FOXJ3: variants seen among roughly 807,000 people sequenced by gnomAD.
FOXJ3 encodes the protein forkhead box J3.
FOXJ3 carries 22 observed loss-of-function variants against 76.1 expected under a neutral mutation model. The ratio of observed to expected loss-of-function variants is 0.29; its 90% confidence interval spans 0.21 to 0.41. The LOEUF (loss-of-function observed/expected upper bound fraction) is 0.41. FOXJ3 is among the 10% of genes least tolerant of loss of function. The probability of loss-of-function intolerance (pLI) is 1.00; values close to 1 mark genes in which losing one functional copy is unlikely to be tolerated. For missense variants in FOXJ3, 613 were observed against 762.1 expected (o/e 0.80, Z 2.30); for synonymous variants, 269 against 261.2 (o/e 1.03, Z -0.29).
intron 4 of FOXJ3, among the ~76,000 whole-genome samples, chr1:42,229,014 C>T (rs1165762263): frequency 6.6e-6 from 1 of 152,122 alleles, no homozygotes; most frequent in East Asian, 1.9e-4. Context: ...CACTTTATGC[C>T]CAACACGAAT....
At chr1:42,260,683 G>GA (rs940575739) in intron 4 of FOXJ3, among the ~76,000 whole-genome samples, 25 of 150,838 alleles carry the variant, frequency 1.7e-4, no homozygotes, top group Admixed American at 8.6e-4. Flanking sequence ...AATTTTTAAA[G>GA]AAAAAAAAAT....
intron 1 of FOXJ3, among the ~76,000 whole-genome samples, chr1:42,329,399 G>A (rs1656025034): frequency 6.6e-6 from 1 of 152,182 alleles, no homozygotes; most frequent in African/African-American, 2.4e-5. Flanking sequence ...CTAAAATCAT[G>A]TTATGCCAAT....
chr1:42,227,889 T>C lies in FOXJ3; in HGVS notation c.522A>G (p.Val174=). The change falls in exon 5 of 13, where the codon GTA becomes GTG. Residue 174 remains valine (V), a synonymous_variant. Coordinates refer to ENST00000361346, the MANE Select transcript of FOXJ3 (RefSeq NM_014947.5). The part of the protein sequence containing the change: ...PTRPKKRARS[V]ERASTPYSID... ...TATGATAAAGAGCCTTTACCCGTTC[T>C]ACAGATCGTGCCCTCTTCTTTGGCC... 6.4e-7 allele frequency: 1 copy of C among 1,560,404 alleles called. No individual in the cohort carries two copies. The highest frequency in any genetic ancestry group is 8.8e-7 in the Non-Finnish European group (1 of 1,141,292).
intron 2 of FOXJ3, among the ~76,000 whole-genome samples, chr1:42,310,149 GT>G (rs201552474): frequency 1.4e-3 from 193 of 140,228 alleles, no homozygotes; most frequent in East Asian, 9.1e-3. Context: ...GCAGGTTTAG[GT>G]TTTTTTTTTT....
chr1:42,251,613 A>T (rs947000796), intron 4 of FOXJ3, among the ~76,000 whole-genome samples: 1 of 151,408 alleles, frequency 6.6e-6, no homozygotes, highest in African/African-American at 2.4e-5. Flanking sequence ...TATTGATTTG[A>T]ATATATTGAA....
intron 4 of FOXJ3, among the ~76,000 whole-genome samples, chr1:42,234,028 C>A (rs934748525): frequency 1.3e-5 from 2 of 152,172 alleles, no homozygotes; most frequent in Non-Finnish European, 2.9e-5. Flanking sequence ...TTGTCACAGG[C>A]CTTTTCTGCA....
intron 2 of FOXJ3, among the ~76,000 whole-genome samples, chr1:42,303,964 G>A (rs1045243830): frequency 5.3e-5 from 8 of 152,160 alleles, no homozygotes; most frequent in Non-Finnish European, 8.8e-5. Context: ...ACACAAATTA[G>A]AAAGGAAGAG....
chr1:42,259,799 C>G (rs922751396), intron 4 of FOXJ3, among the ~76,000 whole-genome samples: 8 of 152,132 alleles, frequency 5.3e-5, no homozygotes, highest in African/African-American at 1.9e-4. Context: ...CTGATTCTAC[C>G]CAGCTTTGCT....
At chr1:42,217,506 C>T (rs1647095102) in intron 5 of FOXJ3, among the ~76,000 whole-genome samples, 1 of 151,070 alleles carries the variant, frequency 6.6e-6, no homozygotes. Flanking sequence ...TCCAGCCTGG[C>T]GACAGGGCAA....
intron 5 of FOXJ3, among the ~76,000 whole-genome samples, chr1:42,208,835 A>G (rs1646910405): frequency 6.6e-6 from 1 of 152,230 alleles, no homozygotes; most frequent in Non-Finnish European, 1.5e-5. Flanking sequence ...GCTCAGCCTA[A>G]CCTACCTTAA....
At chr1:42,287,457 G>A (rs1653133538) in intron 2 of FOXJ3, among the ~76,000 whole-genome samples, 1 of 152,140 alleles carries the variant, frequency 6.6e-6, no homozygotes, top group African/African-American at 2.4e-5. Context: ...CATAATGACT[G>A]TAACATATTC....
At chr1:42,308,589 G>A (rs894818657) in intron 2 of FOXJ3, among the ~76,000 whole-genome samples, 4 of 152,076 alleles carry the variant, frequency 2.6e-5, no homozygotes, top group Admixed American at 6.6e-5. Flanking sequence ...TCCGAATGCC[G>A]TAGGGCTTCT....
intron 1 of FOXJ3, among the ~76,000 whole-genome samples, chr1:42,317,969 T>G (rs1158617746): frequency 1.3e-5 from 2 of 152,226 alleles, no homozygotes; most frequent in African/African-American, 4.8e-5. Flanking sequence ...CATGTTTCAT[T>G]CTCTGTTATA....
intron 1 of FOXJ3, among the ~76,000 whole-genome samples, chr1:42,332,042 C>T (rs1656196311): frequency 6.6e-6 from 1 of 152,152 alleles, no homozygotes; most frequent in Non-Finnish European, 1.5e-5. Context: ...ATCTCTTCTG[C>T]TTTAATTCAA....
chr1:42,317,690 T>C (rs1421494513), intron 1 of FOXJ3, among the ~76,000 whole-genome samples: 1 of 151,900 alleles, frequency 6.6e-6, no homozygotes, highest in Non-Finnish European at 1.5e-5. Context: ...TGTGGAATAG[T>C]GAAGGCAAAA....
chr1:42,287,965 C>CA (rs535284877), intron 2 of FOXJ3, among the ~76,000 whole-genome samples: 27 of 151,800 alleles, frequency 1.8e-4, no homozygotes, highest in African/African-American at 6.0e-4. Flanking sequence ...GACCCTGTCA[C>CA]AAAAAAATAA....
chr1:42,254,332 T>G, intron 4 of FOXJ3, among the ~76,000 whole-genome samples: 1 of 146,436 alleles, frequency 6.8e-6, no homozygotes, highest in South Asian at 2.3e-4. Flanking sequence ...CTGGAGAGGA[T>G]GTGGAGAAAT....
chr1:42,198,384 G>C (rs927672949), intron 7 of FOXJ3, among the ~76,000 whole-genome samples: 1 of 151,746 alleles, frequency 6.6e-6, no homozygotes, highest in Non-Finnish European at 1.5e-5. Flanking sequence ...TCTTTGTCCC[G>C]TGTAAGTTTT....
At chr1:42,184,238 T>C (rs1646388122) in intron 11 of FOXJ3, among the ~76,000 whole-genome samples, 1 of 152,120 alleles carries the variant, frequency 6.6e-6, no homozygotes, top group African/African-American at 2.4e-5. Context: ...GCTCTCACTC[T>C]ACACATCTTT....
Sources: allele counts gnomAD v4.1 joint callset (sites outside exome capture counted in the v4.1 genomes callset), GRCh38; gene constraint gnomAD v4.1.1; transcripts MANE v1.5; gene names NCBI Gene and HGNC (gene_info 2026-07-23, HGNC 2026-07-21).